LIPI: variants seen among roughly 807,000 people sequenced by gnomAD.
LIPI encodes lipase I, also known as lipase member I.
LIPI carries 59 observed loss-of-function variants against 50.6 expected under a neutral mutation model. The observed-to-expected ratio is 1.16, with a 90% CI of 0.94 to 1.45. LIPI has a LOEUF of 1.45. Among genes scored for constraint, LIPI ranks in the 40% most tolerant of loss-of-function variants. LIPI has a pLI of 0.00. For missense variants in LIPI, 586 were observed against 536.3 expected (o/e 1.09, Z -0.92); for synonymous variants, 203 against 178.2 (o/e 1.14, Z -1.11).
chr21:14,114,177 CA>C (rs78186842), intron 9 of LIPI, among the ~76,000 whole-genome samples: 27,394 of 127,744 alleles, frequency 0.21, 2,880 homozygotes, highest in Non-Finnish European at 0.28. Context: ...GACTCTGTCT[CA>C]AAAAAAAAAA....
intron 1 of LIPI, among the ~76,000 whole-genome samples, chr21:14,207,440 A>G (rs1032589579): frequency 6.6e-6 from 1 of 151,452 alleles, no homozygotes; most frequent in African/African-American, 2.4e-5. Context: ...TATGTCAATT[A>G]ATTTTTTAAT....
chr21:14,180,170 C>T (rs73346064), intron 4 of LIPI, among the ~76,000 whole-genome samples: 2,620 of 152,178 alleles, frequency 0.017, 75 homozygotes, highest in African/African-American at 0.059. Flanking sequence ...GGAAAAGCTC[C>T]GCCCTGGTAA....
At chr21:14,149,644 T>C (rs1447150678) in intron 8 of LIPI, among the ~76,000 whole-genome samples, 2 of 151,922 alleles carry the variant, frequency 1.3e-5, no homozygotes, top group Non-Finnish European at 2.9e-5. Context: ...GGTACAAGCA[T>C]TGGGTAAATA....
intron 9 of LIPI, among the ~76,000 whole-genome samples, chr21:14,119,056 A>C (rs747947623): frequency 5.9e-5 from 9 of 152,202 alleles, no homozygotes; most frequent in Admixed American, 2.0e-4. Flanking sequence ...CTTGGTTCAC[A>C]TGCTTACACA....
At chr21:14,195,345 T>C (rs1481166322) in intron 1 of LIPI, among the ~76,000 whole-genome samples, 2 of 149,870 alleles carry the variant, frequency 1.3e-5, no homozygotes, top group African/African-American at 5.0e-5. Flanking sequence ...CTAGGAGAGA[T>C]TGAAGTTGCA....
At chr21:14,183,078 T>C (rs1193018450) in intron 3 of LIPI, among the ~76,000 whole-genome samples, 2 of 151,082 alleles carry the variant, frequency 1.3e-5, no homozygotes, top group Non-Finnish European at 3.0e-5. Flanking sequence ...CAAACTATGC[T>C]ACAAGGCTAC....
intron 9 of LIPI, among the ~76,000 whole-genome samples, chr21:14,117,052 T>C (rs2016674163): frequency 2.0e-5 from 3 of 152,124 alleles, no homozygotes; most frequent in Non-Finnish European, 4.4e-5. Context: ...CCAGGCCCAC[T>C]GCTTGATAAA....
At chr21:14,207,443 T>C (rs1212771303) in intron 1 of LIPI, among the ~76,000 whole-genome samples, 6 of 151,266 alleles carry the variant, frequency 4.0e-5, no homozygotes, top group African/African-American at 1.5e-4. Context: ...GTCAATTAAT[T>C]TTTTAATGAA....
intron 8 of LIPI, among the ~76,000 whole-genome samples, chr21:14,147,116 CCTGAAGTG>C (rs1488810768): frequency 6.6e-6 from 1 of 152,010 alleles, no homozygotes; most frequent in Non-Finnish European, 1.5e-5. Flanking sequence ...GCCTTCAGCT[CCTGAAGTG>C]GGTCATGCTT....
intron 4 of LIPI, among the ~76,000 whole-genome samples, chr21:14,169,449 C>A: frequency 6.6e-6 from 1 of 152,088 alleles, no homozygotes; most frequent in Non-Finnish European, 1.5e-5. Flanking sequence ...CCAAAATTGA[C>A]CACATAGTTG....
chr21:14,141,789 T>C (rs1284856343), intron 9 of LIPI, among the ~76,000 whole-genome samples: 1 of 152,218 alleles, frequency 6.6e-6, no homozygotes, highest in Non-Finnish European at 1.5e-5. Flanking sequence ...CTTGAGCTTA[T>C]GTGTTGTTTT....
At chr21:14,186,186 G>A (rs529657534) in intron 2 of LIPI, 117 bp from the exon 3 acceptor site, 54 of 702,940 alleles carry the variant, frequency 7.7e-5, no homozygotes, top group African/African-American at 1.1e-4. Flanking sequence ...TTCATTTTGG[G>A]GATATCGGGA....
intron 9 of LIPI, among the ~76,000 whole-genome samples, chr21:14,127,362 CAT>C (rs2017106553): frequency 6.6e-6 from 1 of 152,156 alleles, no homozygotes; most frequent in Non-Finnish European, 1.5e-5. Context: ...TTGATCCAAA[CAT>C]GTGTTAGCAT....
intron 7 of LIPI, among the ~76,000 whole-genome samples, chr21:14,160,794 C>G (rs1440610578): frequency 6.6e-6 from 1 of 150,906 alleles, no homozygotes; most frequent in African/African-American, 2.4e-5. Flanking sequence ...CAAAAGTCAA[C>G]AGCTTAAAAA....
At chr21:14,196,126 GT>G (rs35760637) in intron 1 of LIPI, among the ~76,000 whole-genome samples, 2 of 136,654 alleles carry the variant, frequency 1.5e-5, no homozygotes, top group Non-Finnish European at 3.1e-5. Context: ...AGTTCGTAGC[GT>G]TTTTTTTTTT....
At chr21:14,124,596 A>G (rs774570453) in intron 9 of LIPI, among the ~76,000 whole-genome samples, 2 of 152,188 alleles carry the variant, frequency 1.3e-5, no homozygotes, top group Non-Finnish European at 2.9e-5. Context: ...TGTAACATGT[A>G]GTATAAATAA....
intron 2 of LIPI, among the ~76,000 whole-genome samples, chr21:14,188,488 AC>A (rs2019531763): frequency 2.2e-5 from 3 of 138,432 alleles, no homozygotes; most frequent in African/African-American, 8.1e-5. Context: ...GTATCACTTG[AC>A]CCTGGGAGGT....
intron 8 of LIPI, among the ~76,000 whole-genome samples, chr21:14,148,559 G>T (rs919757676): frequency 2.0e-5 from 3 of 151,866 alleles, no homozygotes; most frequent in African/African-American, 7.3e-5. Flanking sequence ...ATTTACCATT[G>T]TGTTACAATT....
intron 9 of LIPI, among the ~76,000 whole-genome samples, chr21:14,142,180 G>A (rs2017734920): frequency 6.6e-6 from 1 of 151,998 alleles, no homozygotes; most frequent in Admixed American, 6.6e-5. Context: ...GGGGACTAGG[G>A]GAGGGATAGC....
Sources: gnomAD v4.1 joint callset for allele counts (sites outside exome capture counted in the v4.1 genomes callset) on GRCh38, gnomAD v4.1.1 for gene constraint, MANE v1.5 for transcripts, NCBI Gene and HGNC (gene_info 2026-07-23, HGNC 2026-07-21) for gene names.